Variants in WBP2NL observed in about 807,000 individuals in gnomAD.
WBP2NL encodes the protein postacrosomal sheath WW domain-binding protein.
Under a neutral mutation model 23.3 loss-of-function variants are expected in WBP2NL, and 27 were observed. The observed-to-expected ratio is 1.16, with a 90% CI of 0.85 to 1.60. The LOEUF is 1.60. Among genes scored for constraint, WBP2NL ranks in the 40% most tolerant of loss-of-function variants. The pLI, the probability that WBP2NL is intolerant of heterozygous loss-of-function variation, is 0.00. For missense variants in WBP2NL, 370 were observed against 389.5 expected, an observed-to-expected ratio of 0.95 and a Z score of 0.42; for synonymous variants, 151 against 145.9, an observed-to-expected ratio of 1.03 and a Z score of -0.25.
intron 1 of WBP2NL, among the ~76,000 whole-genome samples, chr22:42,016,210 A>G (rs1453184838): frequency 6.6e-6 from 1 of 151,724 alleles, no homozygotes; most frequent in African/African-American, 2.4e-5. Flanking sequence ...TGAACTCCCG[A>G]CCTCTGGTAA....
intron 8 of WBP2NL, among the ~76,000 whole-genome samples, chr22:42,043,038 AAGG>A (rs1345209141): frequency 6.7e-5 from 10 of 150,314 alleles, no homozygotes; most frequent in East Asian, 1.9e-4. Context: ...AAAAAAAAAA[AAGG>A]AGAAGAAGCA....
downstream of WBP2NL, among the ~76,000 whole-genome samples, chr22:42,029,228 G>T (rs537923321): frequency 8.7e-5 from 13 of 148,896 alleles, no homozygotes; most frequent in Non-Finnish European, 1.9e-4. Context: ...GATAGGATAA[G>T]GTGGGAGAAT....
At chr22:42,056,121 T>C (rs1926018897) in intron 8 of WBP2NL, among the ~76,000 whole-genome samples, 1 of 152,202 alleles carries the variant, frequency 6.6e-6, no homozygotes, top group Admixed American at 6.6e-5. Flanking sequence ...ATTACTGCCT[T>C]TTTTGTGTTA....
At position 42,026,797 on chromosome 22, in the gene WBP2NL, T is replaced by A; in HGVS notation, c.546T>A (p.Tyr182Ter). Residue 182 changes from tyrosine (Y) to a stop codon, truncating the protein, a stop_gained, in exon 6 of 6, where the codon TAT becomes TAA. Coordinates refer to ENST00000328823, the MANE Select transcript of WBP2NL (RefSeq NM_152613.3). LOFTEE classifies it low-confidence loss of function (END_TRUNC). ...TCTATGGAGCCCCACCTGCAGGATA[T>A]GGAGCCCCACCTCCCGGATACGGAG... ...VIVYGAPPAG[Y>*]GAPPPGYGAP... 6.2e-7 allele frequency: 1 copy of A among 1,614,000 alleles called. No individual in the cohort carries two copies. The highest frequency in any genetic ancestry group is 8.5e-7 in the Non-Finnish European group (1 of 1,179,940).
rs1369899987 is a variant in WBP2NL, at chr22:42,048,420, T to C, written c.*274-9870T>C. On this transcript the variant is annotated intron_variant and NMD_transcript_variant, in intron 8 of 8. Transcript: ENST00000436265. ...AAAAGAAGAAAAATATATCAATAGA[T>C]ACAGAAAAAGCTCTTAAAAAATCTA... Among the ~76,000 whole-genome samples the C allele has an allele frequency of 2.0e-5, 3 of 149,532 alleles. No individual in the cohort carries two copies. In the East Asian group the frequency reaches 6.0e-4, roughly 30 times the overall value.
At chr22:42,051,271 ACT>A (rs1207450559) in intron 8 of WBP2NL, among the ~76,000 whole-genome samples, 1 of 152,134 alleles carries the variant, frequency 6.6e-6, no homozygotes, top group Non-Finnish European at 1.5e-5. Context: ...TATGATTCAA[ACT>A]CTGTGACATT....
intron 8 of WBP2NL, among the ~76,000 whole-genome samples, chr22:42,047,360 C>T (rs1925632442): frequency 6.6e-6 from 1 of 151,284 alleles, no homozygotes; most frequent in Admixed American, 6.6e-5. Context: ...ATACCAGAAC[C>T]ATGGCCAGAT....
intron 1 of WBP2NL, among the ~76,000 whole-genome samples, chr22:42,011,252 T>G (rs1301868069): frequency 6.6e-6 from 1 of 152,150 alleles, no homozygotes; most frequent in Non-Finnish European, 1.5e-5. Context: ...TTGAGAGGTT[T>G]TTTTTTCTCT....
At chr22:42,049,976 CAAAAAAAAA>C (rs34787117) in intron 8 of WBP2NL, among the ~76,000 whole-genome samples, 2 of 84,408 alleles carry the variant, frequency 2.4e-5, no homozygotes, top group African/African-American at 3.8e-5. Context: ...GACTCCGTCT[CAAAAAAAAA>C]AAAAAAAAAA....
In WBP2NL at chr22:42,019,821, A is replaced by T. The variant is rs1023773294; in HGVS notation, c.313+18A>T. The T allele has an allele frequency of 2.5e-6, 4 of 1,610,666 alleles. No individual in the cohort carries two copies. The African/African-American group carries it at 5.4e-5, about 22-fold the overall frequency. Reference sequence around the variant, plus strand: ...TCCATATGGTAAGTGTTCCCTCAGAAGTGTGTATTTTTTTTTCCCTCAAAA... The same window carrying T: ...TCCATATGGTAAGTGTTCCCTCAGATGTGTGTATTTTTTTTTCCCTCAAAA... On this transcript the variant is annotated intron_variant, in intron 3 of 5. Transcript: ENST00000328823.
At chr22:42,017,069 T>C (rs183628486) in intron 1 of WBP2NL, among the ~76,000 whole-genome samples, 57 of 152,332 alleles carry the variant, frequency 3.7e-4, no homozygotes, top group African/African-American at 1.3e-3. Context: ...GAATGCTGTT[T>C]GCTTCCCATC....
At chr22:42,051,966 AG>A (rs1473630953) in intron 8 of WBP2NL, among the ~76,000 whole-genome samples, 3 of 152,252 alleles carry the variant, frequency 2.0e-5, no homozygotes, top group African/African-American at 7.2e-5. Context: ...GAGATTAAGT[AG>A]GGTGCTCAAG....
chr22:42,003,032 C>T lies in WBP2NL; in HGVS notation c.62+4152C>T, dbSNP rs1422068260. 29 of 152,600 alleles carry T rather than the reference C, an allele frequency of 1.9e-4. No homozygotes were observed. The East Asian group carries it at 5.6e-3, about 30-fold the overall frequency. The allele number at this position is 152,600 out of a possible 1,614,324, so 9.5% of individuals were successfully genotyped here. A position where few individuals can be genotyped will look rare whatever the true frequency, so the allele number is the denominator to read the frequency against. On this transcript the variant is annotated intron_variant, in intron 1 of 5. Coordinates refer to ENST00000328823, the MANE Select transcript of WBP2NL (RefSeq NM_152613.3). The stretch of plus-strand genomic sequence containing the variant: ...TATAGCCAGGCATGGTGGCACATGC[C>T]TGTAATCCCAGCTGCTTGGGAGACT...
At chr22:42,036,764 T>G (rs1449308844), downstream of WBP2NL, among the ~76,000 whole-genome samples, 1 of 152,234 alleles carries the variant, frequency 6.6e-6, no homozygotes, top group African/African-American at 2.4e-5. Context: ...TGGCCCATTT[T>G]TTAATCCAGT....
chr22:42,029,337 A>G (rs1031496015), downstream of WBP2NL, among the ~76,000 whole-genome samples: 3 of 148,896 alleles, frequency 2.0e-5, no homozygotes, highest in African/African-American at 7.4e-5. Flanking sequence ...TGTGGTGTGC[A>G]CTTGACCCAG....
At chr22:42,001,060 G>C in intron 1 of WBP2NL, 1 of 828,222 alleles carries the variant, frequency 1.2e-6, no homozygotes, top group Middle Eastern at 3.6e-4. Flanking sequence ...AAAAATCTTA[G>C]GAAATAACTT....
At chr22:42,040,830 G>A (rs1021945858) in intron 8 of WBP2NL, among the ~76,000 whole-genome samples, 1 of 152,198 alleles carries the variant, frequency 6.6e-6, no homozygotes, top group African/African-American at 2.4e-5. Flanking sequence ...GACTTAAGAT[G>A]TGACCTATCC....
At chr22:42,049,853 T>G (rs781376727) in intron 8 of WBP2NL, among the ~76,000 whole-genome samples, 3 of 151,630 alleles carry the variant, frequency 2.0e-5, no homozygotes, top group Non-Finnish European at 4.4e-5. Context: ...GGCACATGCC[T>G]ATAATCCCAG....
intron 8 of WBP2NL, among the ~76,000 whole-genome samples, chr22:42,049,783 G>GA (rs1925765678): frequency 6.9e-6 from 1 of 145,596 alleles, no homozygotes; most frequent in Non-Finnish European, 1.5e-5. Context: ...TCAAAAGCAT[G>GA]AAAAAAGAAA....
Sources: gnomAD v4.1 joint callset for allele counts (sites outside exome capture counted in the v4.1 genomes callset) on GRCh38, gnomAD v4.1.1 for gene constraint, MANE v1.5 for transcripts, NCBI Gene and HGNC (gene_info 2026-07-23, HGNC 2026-07-21) for gene names.